The following CUBN variants were observed in gnomAD, a reference collection of about 807,000 sequenced individuals.
The protein encoded by CUBN is cubilin.
A neutral mutation model predicts 405.3 loss-of-function variants in CUBN; 282 were observed. The observed-to-expected ratio is 0.70, with a 90% CI of 0.63 to 0.77. The LOEUF (loss-of-function observed/expected upper bound fraction) is 0.77. CUBN is among the 30% of genes least tolerant of loss of function. The pLI, the probability that CUBN is intolerant of heterozygous loss-of-function variation, is 0.00. For missense variants in CUBN, 4,514 were observed against 4,475.2 expected, an observed-to-expected ratio of 1.01 and a Z score of -0.25; for synonymous variants, 1,684 against 1,617.0, an observed-to-expected ratio of 1.04 and a Z score of -0.99.
At chr10:17,031,422 A>T (rs750182394) in intron 27 of CUBN, among the ~76,000 whole-genome samples, 1 of 152,158 alleles carries the variant, frequency 6.6e-6, no homozygotes, top group Non-Finnish European at 1.5e-5. Flanking sequence ...ACTCCGTTTT[A>T]CAGAAAGGGA....
intron 48 of CUBN, among the ~76,000 whole-genome samples, chr10:16,913,369 A>T (rs1267911695): frequency 1.3e-5 from 2 of 152,102 alleles, no homozygotes; most frequent in Non-Finnish European, 2.9e-5. Context: ...GAGGTTGGTG[A>T]CATGGAGGTC....
intron 45 of CUBN, among the ~76,000 whole-genome samples, chr10:16,917,601 T>C (rs1419174695): frequency 6.6e-6 from 1 of 152,188 alleles, no homozygotes; most frequent in Non-Finnish European, 1.5e-5. Flanking sequence ...AGAGAACTAC[T>C]GTATTTCATA....
At chr10:16,958,373 AC>A (rs372351082) in intron 31 of CUBN, among the ~76,000 whole-genome samples, 3,543 of 152,052 alleles carry the variant, frequency 0.023, 143 homozygotes, top group African/African-American at 0.08. Flanking sequence ...AATACAAAAA[AC>A]AATTAGCCAG....
In CUBN at chr10:16,989,868, T is replaced by C. The variant is rs559311376; in HGVS notation, c.4350+466A>G. On this transcript the variant is annotated intron_variant, in intron 29 of 66. Coordinates refer to ENST00000377833, the MANE Select transcript of CUBN (RefSeq NM_001081.4). ...GCTTGTTGGCAGTGCCCAGTCTCTA[T>C]GCTCCGCCACACGAATGCTCTTTCT... Among the ~76,000 whole-genome samples the C allele has an allele frequency of 3.3e-5, 5 of 152,338 alleles. No individual in the cohort carries two copies. In the South Asian group the frequency reaches 8.3e-4, roughly 25 times the overall value.
chr10:17,018,886 G>A (rs186008766), intron 28 of CUBN, among the ~76,000 whole-genome samples: 37 of 151,420 alleles, frequency 2.4e-4, no homozygotes, highest in Non-Finnish European at 3.7e-4. Flanking sequence ...GACACAGAGC[G>A]CTGATTGGTG....
intron 14 of CUBN, among the ~76,000 whole-genome samples, chr10:17,092,235 C>A (rs1025390286): frequency 6.6e-6 from 1 of 152,034 alleles, no homozygotes; most frequent in Admixed American, 6.5e-5. Flanking sequence ...TACAAGAGAC[C>A]CTAATAGTTA....
At chr10:17,127,246 G>GTC (rs1188395787) in intron 3 of CUBN, among the ~76,000 whole-genome samples, 10 of 125,238 alleles carry the variant, frequency 8.0e-5, no homozygotes, top group Admixed American at 1.7e-4. Flanking sequence ...CTCTCTTTCT[G>GTC]TCTCTCTCTC....
chr10:16,977,747 C>T (rs916988571), intron 31 of CUBN, among the ~76,000 whole-genome samples: 2 of 152,148 alleles, frequency 1.3e-5, no homozygotes, highest in African/African-American at 4.8e-5. Flanking sequence ...TTGTAGGCAC[C>T]CACCCCTAGA....
intron 40 of CUBN, among the ~76,000 whole-genome samples, chr10:16,931,085 C>CGT (rs1267010540): frequency 4.2e-4 from 64 of 151,110 alleles, no homozygotes; most frequent in South Asian, 1.7e-3. Flanking sequence ...TGAAACCCCA[C>CGT]CTCTACTAAA....
At chr10:17,034,919 TA>T (rs1438157618) in intron 27 of CUBN, among the ~76,000 whole-genome samples, 2 of 152,104 alleles carry the variant, frequency 1.3e-5, no homozygotes, top group Non-Finnish European at 2.9e-5. Flanking sequence ...AACTCTGGAC[TA>T]ATTCTGGCTA....
At chr10:16,979,442 T>C (rs1008513323) in intron 31 of CUBN, among the ~76,000 whole-genome samples, 15 of 152,108 alleles carry the variant, frequency 9.9e-5, no homozygotes, top group African/African-American at 3.4e-4. Flanking sequence ...CTTCAAACTA[T>C]ACTACAAGCC....
intron 29 of CUBN, among the ~76,000 whole-genome samples, chr10:16,987,698 A>G (rs73596274): frequency 0.029 from 4,355 of 152,284 alleles, 203 homozygotes; most frequent in African/African-American, 0.097. Context: ...ATGGGTAACA[A>G]ACTTTTAAAC....
intron 14 of CUBN, among the ~76,000 whole-genome samples, chr10:17,096,980 A>C (rs1453483984): frequency 6.6e-6 from 1 of 152,146 alleles, no homozygotes; most frequent in East Asian, 1.9e-4. Flanking sequence ...TGCATATATT[A>C]GAAATTCTAA....
chr10:16,963,182 C>CTTTTCT (rs1843283502), intron 31 of CUBN, among the ~76,000 whole-genome samples: 1 of 90,948 alleles, frequency 1.1e-5, no homozygotes, highest in African/African-American at 4.3e-5. Flanking sequence ...TTTTTCTTTT[C>CTTTTCT]TTTTCTTTTT....
At chr10:16,996,345 T>C (rs1256742974) in intron 28 of CUBN, among the ~76,000 whole-genome samples, 1 of 152,220 alleles carries the variant, frequency 6.6e-6, no homozygotes, top group East Asian at 1.9e-4. Flanking sequence ...CTGTTTGCCT[T>C]GATTTTCCTC....
chr10:17,042,043 T>G (rs1178068604), intron 26 of CUBN, among the ~76,000 whole-genome samples: 1 of 152,188 alleles, frequency 6.6e-6, no homozygotes, highest in Non-Finnish European at 1.5e-5. Context: ...TTATATGGAA[T>G]GAGCTGTCTC....
chr10:16,845,307 T>A (rs1839480018), intron 60 of CUBN, among the ~76,000 whole-genome samples: 1 of 152,224 alleles, frequency 6.6e-6, no homozygotes, highest in African/African-American at 2.4e-5. Context: ...CTTTTAATAT[T>A]TTCCTGGGAA....
chr10:17,018,434 T>C (rs1834400878), intron 28 of CUBN, among the ~76,000 whole-genome samples: 1 of 152,202 alleles, frequency 6.6e-6, no homozygotes, highest in Non-Finnish European at 1.5e-5. Context: ...GATGTTCAGA[T>C]GCGTCCACAG....
intron 12 of CUBN, among the ~76,000 whole-genome samples, chr10:17,103,948 GA>G: frequency 6.6e-6 from 1 of 151,844 alleles, no homozygotes; most frequent in Middle Eastern, 3.4e-3. Context: ...GGGAACTAGT[GA>G]AAAAAAAGGT....
Sources: allele counts gnomAD v4.1 joint callset (sites outside exome capture counted in the v4.1 genomes callset), GRCh38; gene constraint gnomAD v4.1.1; transcripts MANE v1.5; gene names NCBI Gene and HGNC (gene_info 2026-07-23, HGNC 2026-07-21).